PAXBP1: variants seen among roughly 807,000 people sequenced by gnomAD.
PAXBP1 encodes PAX3- and PAX7-binding protein 1.
In PAXBP1, 44 loss-of-function variants were observed where a neutral mutation model predicts 119.9. That is an observed-to-expected ratio of 0.37 (90% confidence interval 0.29 to 0.47). PAXBP1 has a LOEUF of 0.47. PAXBP1 is among the 20% of genes least tolerant of loss of function. The probability of loss-of-function intolerance (pLI) is 0.99; values close to 1 mark genes in which losing one functional copy is unlikely to be tolerated. For synonymous variants in PAXBP1, 393 were observed against 406.6 expected, an observed-to-expected ratio of 0.97 and a Z score of 0.40; for missense variants, 898 against 1,134.1, an observed-to-expected ratio of 0.79 and a Z score of 2.99.
At chr21:32,762,403 A>G in intron 3 of PAXBP1, 86 bp from the exon 4 acceptor site, 2 of 1,485,928 alleles carry the variant, frequency 1.3e-6, no homozygotes, top group Non-Finnish European at 8.9e-7. Context: ...ATAATCCAAG[A>G]TAGCCTCATC....
intron 8 of PAXBP1, among the ~76,000 whole-genome samples, chr21:32,752,948 TTAC>T (rs2043980467): frequency 6.6e-6 from 1 of 152,112 alleles, no homozygotes; most frequent in South Asian, 2.1e-4. Flanking sequence ...ACTTTTTTTT[TTAC>T]TGAGTTTTTC....
chr21:32,743,504 C>A (rs1030183782), intron 14 of PAXBP1, among the ~76,000 whole-genome samples, 174 bp downstream of exon 14: 18 of 152,142 alleles, frequency 1.2e-4, no homozygotes, highest in African/African-American at 4.3e-4. Flanking sequence ...TCAGGGAGAA[C>A]GTAAGAGTAT....
At position 32,744,763 on chromosome 21, in the gene PAXBP1, A is replaced by C. The variant is rs761459910; in HGVS notation, c.2190+29T>G. On this transcript the variant is annotated intron_variant, in intron 13 of 17. Coordinates refer to ENST00000331923, the MANE Select transcript of PAXBP1 (RefSeq NM_016631.4). ...CATATTCAACAGAAAGAGGAAAAAAAAAAAAGGCTTCAAAAGATACTAAAT... is the reference window on the plus strand; with the variant it reads ...CATATTCAACAGAAAGAGGAAAAAACAAAAAGGCTTCAAAAGATACTAAAT... 23 of 1,536,106 alleles carry C rather than the reference A, an allele frequency of 1.5e-5. No homozygotes were observed. The Admixed American group carries it at 5.2e-4, about 35-fold the overall frequency.
At chr21:32,768,461 C>G (rs2044279703) in intron 2 of PAXBP1, among the ~76,000 whole-genome samples, 2 of 152,216 alleles carry the variant, frequency 1.3e-5, no homozygotes, top group South Asian at 4.1e-4. Flanking sequence ...ATCAATTCTT[C>G]CCTTGGAATG....
chr21:32,748,930 T>A (rs2043916934), intron 10 of PAXBP1, among the ~76,000 whole-genome samples: 1 of 152,212 alleles, frequency 6.6e-6, no homozygotes, highest in Admixed American at 6.5e-5. Flanking sequence ...GTATATACAA[T>A]TTTTCTACCA....
Position 32,734,858 on chromosome 21 carries a change from T to C in PAXBP1, c.*92A>G. The stretch of plus-strand genomic sequence containing the variant: ...ATGTTTTTTGTATTAAAACAAGAAT[T>C]GCTATTTTACAGTTTAAGAAACTTT... On this transcript the variant is annotated 3_prime_UTR_variant, in exon 18 of 18. Coordinates refer to ENST00000331923, the MANE Select transcript of PAXBP1 (RefSeq NM_016631.4). The C allele has an allele frequency of 2.3e-6, 2 of 874,206 alleles. No homozygotes were observed. Among genetic ancestry groups the C allele is most frequent in the East Asian group, 2.4e-5 (1 of 41,142 alleles). 54.2% of individuals were successfully genotyped at this position (874,206 alleles called of 1,614,324 possible). A position where few individuals can be genotyped will look rare whatever the true frequency, so the allele number is the denominator to read the frequency against.
chr21:32,764,476 T>G lies in PAXBP1; in HGVS notation c.521A>C (p.Glu174Ala). 6.2e-7 allele frequency: 1 copy of G among 1,613,754 alleles called. No individual in the cohort carries two copies. ...ATGTTCACTGATGATAACTCCATCT[T>G]CTTGATTTGTATCCTTAACATGTCC... is the stretch of plus-strand genomic sequence containing the variant. ...KTGHVKDTNQEDGVIISEHGE... is the reference protein window; with the variant it reads ...KTGHVKDTNQADGVIISEHGE... The change falls in exon 3 of 18, where the codon GAA becomes GCA. Residue 174 changes from glutamate to alanine, a missense_variant. Glu to Ala is a moderately radical substitution (Grantham distance 107, BLOSUM62 -1). Coordinates refer to ENST00000331923, the MANE Select transcript of PAXBP1 (RefSeq NM_016631.4).
At chr21:32,739,259 T>A (rs773028751) in intron 15 of PAXBP1, among the ~76,000 whole-genome samples, 1 of 152,174 alleles carries the variant, frequency 6.6e-6, no homozygotes, top group Non-Finnish European at 1.5e-5. Flanking sequence ...GTATTAAGTC[T>A]CCCACAGAAG....
intron 8 of PAXBP1, chr21:32,751,713 C>T (rs2043960864): frequency 1.3e-5 from 2 of 152,992 alleles, no homozygotes; most frequent in South Asian, 4.1e-4. Context: ...AATTTGTTTT[C>T]TATCACTATT....
chr21:32,745,504 T>C lies in PAXBP1; in HGVS notation c.2068+70A>G. 2.5e-6 allele frequency: 4 copies of C among 1,571,620 alleles called. No homozygotes were observed. In the South Asian group the frequency reaches 3.4e-5, roughly 13 times the overall value. ...CTATAAGGAAACATGCTCTGAATTA[T>C]AAACTCATAAAAATAGATTTGAGAA... On this transcript the variant is annotated intron_variant, in intron 12 of 17. Coordinates refer to ENST00000331923, the MANE Select transcript of PAXBP1 (RefSeq NM_016631.4).
At chr21:32,766,861 C>T (rs557664869) in intron 2 of PAXBP1, among the ~76,000 whole-genome samples, 9 of 152,278 alleles carry the variant, frequency 5.9e-5, no homozygotes, top group African/African-American at 2.2e-4. Context: ...GCCAATAGCC[C>T]CTCCTTGGTC....
chr21:32,756,719 A>C (rs1348524840), intron 7 of PAXBP1: 3 of 209,258 alleles, frequency 1.4e-5, no homozygotes, highest in African/African-American at 7.2e-5. Context: ...GCATTCTTTT[A>C]TCTTTTAATC....
At chr21:32,738,937 T>C (rs2043732633) in intron 15 of PAXBP1, among the ~76,000 whole-genome samples, 1 of 152,190 alleles carries the variant, frequency 6.6e-6, no homozygotes, top group Non-Finnish European at 1.5e-5. Flanking sequence ...CTGGAGGTCA[T>C]TCCTGACCTC....
At chr21:32,762,911 C>CAAAA (rs763196446) in intron 3 of PAXBP1, among the ~76,000 whole-genome samples, 1 of 47,902 alleles carries the variant, frequency 2.1e-5, no homozygotes, top group African/African-American at 7.8e-5. Context: ...AACTCCGTCT[C>CAAAA]AAAAAAAAAA....
chr21:32,734,911 A>C lies in PAXBP1; in HGVS notation c.*39T>G. The C allele has an allele frequency of 1.4e-6, 2 of 1,444,794 alleles. No individual in the cohort carries two copies. The highest frequency in any genetic ancestry group is 1.9e-6 in the Non-Finnish European group (2 of 1,026,940). The allele number at this position is 1,444,794 out of a possible 1,614,324, so 89.5% of individuals were successfully genotyped here. A position where few individuals can be genotyped will look rare whatever the true frequency, so the allele number is the denominator to read the frequency against. On this transcript the variant is annotated 3_prime_UTR_variant, in exon 18 of 18. Transcript: ENST00000331923. Reference sequence around the variant, plus strand: ...ATATATACAAAATTTACACATTGGGAATGGTAATCAAGCAAATAGGTTTTT... The same window carrying C: ...ATATATACAAAATTTACACATTGGGCATGGTAATCAAGCAAATAGGTTTTT...
intron 2 of PAXBP1, among the ~76,000 whole-genome samples, chr21:32,766,843 G>A (rs981264416): frequency 2.6e-5 from 4 of 152,196 alleles, no homozygotes; most frequent in African/African-American, 9.7e-5. Flanking sequence ...GAAACGCTGG[G>A]CAATCTTGCC....
chr21:32,749,250 A>G (rs2043922139), intron 10 of PAXBP1, among the ~76,000 whole-genome samples: 2 of 151,766 alleles, frequency 1.3e-5, no homozygotes, highest in South Asian at 4.2e-4. Flanking sequence ...GCTGGAGTGA[A>G]GTGGTGCGAT....
intron 15 of PAXBP1, among the ~76,000 whole-genome samples, chr21:32,741,102 C>T (rs1325801343): frequency 6.6e-6 from 1 of 152,154 alleles, no homozygotes; most frequent in Non-Finnish European, 1.5e-5. Context: ...TAAGGAATAA[C>T]CAGGACAGTA....
chr21:32,759,724 C>T lies in PAXBP1; in HGVS notation c.1193+53G>A, dbSNP rs1349582351. The T allele has an allele frequency of 2.7e-6, 4 of 1,468,028 alleles. No homozygotes were observed. The Admixed American group carries it at 6.8e-5, about 25-fold the overall frequency. 90.9% of individuals were successfully genotyped at this position (1,468,028 alleles called of 1,614,324 possible). ...TCTGCTACCCCAGACTACATGTTGCCTGAGGGAACAGAAAGCTAGCGGACA... is the reference window on the plus strand; with the variant it reads ...TCTGCTACCCCAGACTACATGTTGCTTGAGGGAACAGAAAGCTAGCGGACA... On this transcript the variant is annotated intron_variant, in intron 6 of 17. Coordinates refer to ENST00000331923, the MANE Select transcript of PAXBP1 (RefSeq NM_016631.4).
Sources: gnomAD v4.1 joint callset for allele counts (sites outside exome capture counted in the v4.1 genomes callset) on GRCh38, gnomAD v4.1.1 for gene constraint, MANE v1.5 for transcripts, NCBI Gene and HGNC (gene_info 2026-07-23, HGNC 2026-07-21) for gene names.